The following RORB variants were observed in gnomAD, a reference collection of about 807,000 sequenced individuals.
RORB encodes the protein RAR related orphan receptor B.
RORB carries 6 observed loss-of-function variants against 59.1 expected under a neutral mutation model. The ratio of observed to expected loss-of-function variants is 0.10; its 90% CI spans 0.06 to 0.20. RORB has a LOEUF of 0.20. Among genes scored for constraint, RORB ranks in the 10% least tolerant of loss-of-function variants. The pLI, the probability that RORB is intolerant of heterozygous loss-of-function variation, is 1.00. For missense variants in RORB, 320 were observed against 560.5 expected (o/e 0.57, Z 4.33); for synonymous variants, 215 against 204.5 (o/e 1.05, Z -0.44).
chr9:74,595,532 A>G (rs1451134531), intron 1 of RORB, among the ~76,000 whole-genome samples: 1 of 152,304 alleles, frequency 6.6e-6, no homozygotes, highest in East Asian at 1.9e-4. Context: ...CTGTCTGCCA[A>G]TTAAAGCATT....
intron 5 of RORB, 24 bp downstream of exon 5, chr9:74,660,762 G>C (rs201641969): frequency 1.2e-6 from 2 of 1,604,426 alleles, no homozygotes; most frequent in African/African-American, 2.7e-5. Flanking sequence ...CCATGAGAAA[G>C]TTTTTCTGTG....
intron 1 of RORB, among the ~76,000 whole-genome samples, chr9:74,575,296 G>A (rs942815574): frequency 7.9e-5 from 12 of 152,092 alleles, no homozygotes; most frequent in Non-Finnish European, 8.8e-5. Flanking sequence ...ATGTCCACTC[G>A]TTGGAGACAG....
At chr9:74,549,993 G>GTGC (rs1361652296) in intron 1 of RORB, among the ~76,000 whole-genome samples, 1 of 152,066 alleles carries the variant, frequency 6.6e-6, no homozygotes, top group Non-Finnish European at 1.5e-5. Context: ...GCCTCCCAAA[G>GTGC]TAGGATTACA....
chr9:74,594,887 T>G (rs1338991977), intron 1 of RORB, among the ~76,000 whole-genome samples: 1 of 152,200 alleles, frequency 6.6e-6, no homozygotes, highest in Non-Finnish European at 1.5e-5. Flanking sequence ...TTCATCTTTC[T>G]CTACACCAGG....
intron 1 of RORB, among the ~76,000 whole-genome samples, chr9:74,534,415 TA>T (rs1826291097): frequency 6.6e-6 from 1 of 152,078 alleles, no homozygotes; most frequent in Admixed American, 6.6e-5. Context: ...GTGCATTTTA[TA>T]CCCTCCAATC....
intron 1 of RORB, among the ~76,000 whole-genome samples, chr9:74,520,747 T>C (rs1370579107): frequency 6.6e-6 from 1 of 151,914 alleles, no homozygotes; most frequent in Non-Finnish European, 1.5e-5. Context: ...GCTTTTTTTT[T>C]CTGCACATTG....
intron 1 of RORB, among the ~76,000 whole-genome samples, chr9:74,595,982 C>G (rs1396939920): frequency 6.6e-6 from 1 of 152,150 alleles, no homozygotes; most frequent in African/African-American, 2.4e-5. Context: ...ATCTCATGAT[C>G]AAATATGATT....
At chr9:74,665,626 T>A in intron 7 of RORB, 31 bp downstream of exon 7, 1 of 1,338,976 alleles carries the variant, frequency 7.5e-7, no homozygotes, top group South Asian at 1.2e-5. Context: ...GACACAATTT[T>A]ATTAGCCACC....
chr9:74,621,485 A>G (rs1022480366), intron 1 of RORB, among the ~76,000 whole-genome samples: 2 of 152,288 alleles, frequency 1.3e-5, no homozygotes, highest in Admixed American at 6.5e-5. Flanking sequence ...TTGTCTGTTC[A>G]CCTGTTGAAG....
In RORB at chr9:74,552,605, A is replaced by G. The variant is rs1308890664; in HGVS notation, c.7+54622A>G. On this transcript the variant is annotated intron_variant, in intron 1 of 9. Coordinates refer to ENST00000376896, the MANE Select transcript of RORB (RefSeq NM_006914.4). ...GTTCAACGTAGGGTCATGTTTCTAT[A>G]CTGAGCAAAAGGGCTTCTTTTGCTC... Among the ~76,000 whole-genome samples the G allele has an allele frequency of 5.9e-5, 9 of 152,158 alleles. 1 individual carries two copies. The South Asian group carries it at 1.7e-3, about 28-fold the overall frequency.
chr9:74,521,461 A>G (rs933471861), intron 1 of RORB, among the ~76,000 whole-genome samples: 1 of 151,876 alleles, frequency 6.6e-6, no homozygotes, highest in Non-Finnish European at 1.5e-5. Flanking sequence ...AGATTTTAAA[A>G]TCTAACAACA....
intron 8 of RORB, among the ~76,000 whole-genome samples, chr9:74,668,864 A>G (rs1255163361): frequency 6.6e-6 from 1 of 152,176 alleles, no homozygotes; most frequent in Non-Finnish European, 1.5e-5. Context: ...GGTCACCTGT[A>G]TCAGGAGTTT....
At chr9:74,647,197 G>C (rs1320079735) in intron 4 of RORB, among the ~76,000 whole-genome samples, 2 of 152,184 alleles carry the variant, frequency 1.3e-5, no homozygotes, top group Non-Finnish European at 2.9e-5. Context: ...ACATTTTGCA[G>C]TGGTTGGTGG....
chr9:74,636,063 T>C (rs1823697251), intron 3 of RORB, among the ~76,000 whole-genome samples: 1 of 151,974 alleles, frequency 6.6e-6, no homozygotes, highest in African/African-American at 2.4e-5. Context: ...CTGATTTTTT[T>C]TTGTTTTACT....
chr9:74,592,877 G>GCA (rs1234400497), intron 1 of RORB, among the ~76,000 whole-genome samples: 1 of 151,446 alleles, frequency 6.6e-6, no homozygotes, highest in East Asian at 1.9e-4. Context: ...ACATGCACAC[G>GCA]CACACACACG....
chr9:74,654,052 A>G (rs1824038914), intron 4 of RORB, among the ~76,000 whole-genome samples: 2 of 152,164 alleles, frequency 1.3e-5, no homozygotes, highest in African/African-American at 4.8e-5. Flanking sequence ...CTTGTTTCCA[A>G]ACTTTGCTTA....
In RORB at chr9:74,660,707, C is replaced by A. The variant is rs750711510; in HGVS notation, c.728C>A (p.Thr243Asn). 1 of 1,613,580 alleles carries A rather than the reference C, an allele frequency of 6.2e-7. No homozygotes were observed. Among genetic ancestry groups the A allele is most frequent in the Non-Finnish European group, 8.5e-7 (1 of 1,179,808 alleles). ...ELHQLAWQTH[T>N]YEEIKAYQSK... ...CACCAGCTGGCGTGGCAGACCCACACCTATGAAGAAATTAAAGCATATCAA... is the reference window on the plus strand; with the variant it reads ...CACCAGCTGGCGTGGCAGACCCACAACTATGAAGAAATTAAAGCATATCAA... The change falls in exon 5 of 10, where the codon ACC becomes AAC. Residue 243 changes from threonine (T) to asparagine (N), a missense_variant. Coordinates refer to ENST00000376896, the MANE Select transcript of RORB (RefSeq NM_006914.4).
chr9:74,582,495 G>A (rs1421952238), intron 1 of RORB, among the ~76,000 whole-genome samples: 2 of 152,156 alleles, frequency 1.3e-5, no homozygotes, highest in Admixed American at 6.5e-5. Context: ...CCTTACAGAG[G>A]TTACAAACTG....
intron 2 of RORB, among the ~76,000 whole-genome samples, 195 bp from the exon 3 acceptor site, chr9:74,634,436 C>T (rs1823669799): frequency 6.6e-6 from 1 of 152,146 alleles, no homozygotes; most frequent in African/African-American, 2.4e-5. Context: ...TGAATGATAC[C>T]CTCATATCTT....
Sources: allele counts gnomAD v4.1 joint callset (sites outside exome capture counted in the v4.1 genomes callset), GRCh38; gene constraint gnomAD v4.1.1; transcripts MANE v1.5; gene names NCBI Gene and HGNC (gene_info 2026-07-23, HGNC 2026-07-21).